CCDC60: variants seen among roughly 807,000 people sequenced by gnomAD.
CCDC60 encodes coiled-coil domain-containing protein 60.
In CCDC60, 54 loss-of-function variants were observed where a neutral mutation model predicts 63.5. The ratio of observed to expected loss-of-function variants is 0.85; its 90% CI spans 0.68 to 1.07. The LOEUF is 1.07. Ranked by LOEUF, CCDC60 falls within the 50% of genes least tolerant of loss-of-function variation. CCDC60 has a pLI of 0.00. For synonymous variants in CCDC60, 206 were observed against 238.8 expected, an observed-to-expected ratio of 0.86 and a Z score of 1.27; for missense variants, 651 against 684.3, an observed-to-expected ratio of 0.95 and a Z score of 0.54.
At chr12:119,404,967 T>C (rs1956459896) in intron 1 of CCDC60, among the ~76,000 whole-genome samples, 1 of 152,214 alleles carries the variant, frequency 6.6e-6, no homozygotes, top group Non-Finnish European at 1.5e-5. Flanking sequence ...ATGAACCTGC[T>C]TGGGTCTCTG....
chr12:119,425,956 C>A (rs954702746), intron 1 of CCDC60, among the ~76,000 whole-genome samples: 4 of 152,190 alleles, frequency 2.6e-5, no homozygotes, highest in African/African-American at 9.7e-5. Flanking sequence ...AAGGGCCTAA[C>A]CAGGGAACTA....
chr12:119,398,436 C>T (rs1248843518), intron 1 of CCDC60, among the ~76,000 whole-genome samples: 1 of 152,142 alleles, frequency 6.6e-6, no homozygotes, highest in Non-Finnish European at 1.5e-5. Flanking sequence ...CGCCTCCCCG[C>T]AAGCAGAGGG....
intron 7 of CCDC60, among the ~76,000 whole-genome samples, chr12:119,512,352 T>A (rs1249388456): frequency 6.6e-6 from 1 of 152,244 alleles, no homozygotes; most frequent in African/African-American, 2.4e-5. Context: ...AACTATTGAC[T>A]GAGACCCCAT....
chr12:119,407,989 T>A (rs1428377576), intron 1 of CCDC60, among the ~76,000 whole-genome samples: 1 of 152,246 alleles, frequency 6.6e-6, no homozygotes, highest in Non-Finnish European at 1.5e-5. Context: ...AGGTTTTCTC[T>A]GCTTTATTTT....
At chr12:119,348,103 T>C (rs1450372211) in intron 1 of CCDC60, among the ~76,000 whole-genome samples, 1 of 152,204 alleles carries the variant, frequency 6.6e-6, no homozygotes, top group Non-Finnish European at 1.5e-5. Flanking sequence ...TTGCTATTGC[T>C]CATTAGCTGA....
At chr12:119,423,511 C>A (rs557083198) in intron 1 of CCDC60, among the ~76,000 whole-genome samples, 1 of 152,306 alleles carries the variant, frequency 6.6e-6, no homozygotes, top group Admixed American at 6.5e-5. Flanking sequence ...CCATCAGGAA[C>A]TGAAGGGTGA....
At position 119,465,094 on chromosome 12, in the gene CCDC60, G is replaced by A. The variant is rs377242216; in HGVS notation, c.171-6900G>A. Among the ~76,000 whole-genome samples the A allele has an allele frequency of 7.3e-4, 110 of 150,588 alleles. No homozygotes were observed. The East Asian group carries it at 0.021, about 28-fold the overall frequency. ...TGGGAGGCCGAGGCGGGTGGATCAC[G>A]AGGTCAGGAGATCGAGACCATCCTG... On this transcript the variant is annotated intron_variant, in intron 2 of 13. Coordinates refer to ENST00000327554, the MANE Select transcript of CCDC60 (RefSeq NM_178499.5).
intron 1 of CCDC60, among the ~76,000 whole-genome samples, chr12:119,407,172 A>G (rs532416573): frequency 6.6e-6 from 1 of 152,168 alleles, no homozygotes; most frequent in East Asian, 1.9e-4. Context: ...ATAACACTAG[A>G]AGCCAGGTGG....
chr12:119,529,057 A>G (rs1952767420), intron 12 of CCDC60, among the ~76,000 whole-genome samples: 1 of 152,204 alleles, frequency 6.6e-6, no homozygotes, highest in Admixed American at 6.5e-5. Context: ...GATGAGGCAT[A>G]TCAACCTGAA....
intron 2 of CCDC60, among the ~76,000 whole-genome samples, chr12:119,451,128 T>G (rs1950627189): frequency 6.6e-6 from 1 of 152,032 alleles, no homozygotes; most frequent in Non-Finnish European, 1.5e-5. Context: ...CAAAGCAAGG[T>G]CCAGCCAACG....
chr12:119,464,504 A>G lies in CCDC60; in HGVS notation c.171-7490A>G, dbSNP rs61005878. Among the ~76,000 whole-genome samples the G allele has an allele frequency of 6.2e-3, 942 of 152,176 alleles. 11 individuals carry two copies. The highest frequency in any genetic ancestry group is 0.021 in the African/African-American group (889 of 41,504). On this transcript the variant is annotated intron_variant, in intron 2 of 13. Transcript: ENST00000327554. ...AAGTAGAACACTGTAAACTAAAAAT[A>G]AAATCCTAAGCCCCCTCCAACCAGC...
intron 12 of CCDC60, among the ~76,000 whole-genome samples, chr12:119,529,515 G>C (rs145653109): frequency 1.3e-5 from 2 of 152,232 alleles, no homozygotes; most frequent in African/African-American, 4.8e-5. Flanking sequence ...AATACACTAA[G>C]ATTTAAGAGT....
chr12:119,445,933 C>T (rs568832463), intron 2 of CCDC60, among the ~76,000 whole-genome samples: 30 of 151,886 alleles, frequency 2.0e-4, no homozygotes, highest in African/African-American at 4.1e-4. Context: ...GGGATGGGGA[C>T]GGGGGGTGAG....
In CCDC60 at chr12:119,479,022, G is replaced by A. The variant is rs116281503; in HGVS notation, c.342-72G>A. ...TCCAGTCATATCTGCCGAATAGACCGTGGCAAGAGAAGAAGGTGTTCAAAG... is the reference window on the plus strand; with the variant it reads ...TCCAGTCATATCTGCCGAATAGACCATGGCAAGAGAAGAAGGTGTTCAAAG... On this transcript the variant is annotated intron_variant, in intron 3 of 13. Transcript: ENST00000327554. The A allele has an allele frequency of 1.9e-3, 1,948 of 1,024,598 alleles. 13 individuals carry two copies. In the African/African-American group the frequency reaches 0.022, roughly 11 times the overall value. 63.5% of individuals were successfully genotyped at this position (1,024,598 alleles called of 1,614,324 possible).
chr12:119,500,426 C>T (rs1011851753), intron 6 of CCDC60, among the ~76,000 whole-genome samples: 2 of 152,070 alleles, frequency 1.3e-5, no homozygotes, highest in African/African-American at 4.8e-5. Flanking sequence ...AGCTGCTTAA[C>T]AAGATGTCAC....
chr12:119,436,003 G>A (rs1950317387), intron 2 of CCDC60, among the ~76,000 whole-genome samples: 1 of 152,194 alleles, frequency 6.6e-6, no homozygotes, highest in Non-Finnish European at 1.5e-5. Flanking sequence ...AGGACTTGTA[G>A]TCCTAAGAAA....
At chr12:119,538,897 T>C (rs1953082481) in intron 13 of CCDC60, among the ~76,000 whole-genome samples, 1 of 152,238 alleles carries the variant, frequency 6.6e-6, no homozygotes, top group South Asian at 2.1e-4. Context: ...TTTTTGTTGA[T>C]GTTGATGCTA....
At chr12:119,397,525 G>C (rs1477022091) in intron 1 of CCDC60, among the ~76,000 whole-genome samples, 1 of 151,576 alleles carries the variant, frequency 6.6e-6, no homozygotes. Context: ...GCTAGATACA[G>C]AGAGCTGATT....
At chr12:119,427,429 A>G (rs868244868) in intron 1 of CCDC60, among the ~76,000 whole-genome samples, 16 of 152,362 alleles carry the variant, frequency 1.1e-4, no homozygotes, top group African/African-American at 2.6e-4. Context: ...ATTGTATTCC[A>G]TTGTGTAGAT....
Sources: allele counts gnomAD v4.1 joint callset (sites outside exome capture counted in the v4.1 genomes callset), GRCh38; gene constraint gnomAD v4.1.1; transcripts MANE v1.5; gene names NCBI Gene and HGNC (gene_info 2026-07-23, HGNC 2026-07-21).